Variants in ARB2A observed in about 807,000 individuals in gnomAD.
ARB2A encodes cotranscriptional regulator ARB2A.
chr5:94,094,298 CT>C, the ARB2A span, among the ~76,000 whole-genome samples: 28 of 152,274 alleles, frequency 1.8e-4, no homozygotes, highest in South Asian at 5.6e-3. Flanking sequence ...CAGATTTTTG[CT>C]TTCTCACCAT....
the ARB2A span, among the ~76,000 whole-genome samples, chr5:93,989,654 C>G: frequency 6.6e-6 from 1 of 152,152 alleles, no homozygotes; most frequent in Non-Finnish European, 1.5e-5. Flanking sequence ...ATTAAGAGCA[C>G]TGCTCTAGAT....
chr5:93,657,253 A>T, the ARB2A span, among the ~76,000 whole-genome samples: 5 of 152,142 alleles, frequency 3.3e-5, no homozygotes, highest in South Asian at 2.1e-4. Context: ...TCTCAGAAAA[A>T]CTGCACATGA....
At chr5:93,829,760 C>T in the ARB2A span, among the ~76,000 whole-genome samples, 1 of 151,912 alleles carries the variant, frequency 6.6e-6, no homozygotes, top group Non-Finnish European at 1.5e-5. Flanking sequence ...GAAGGAAAAC[C>T]TTATAGGGAT....
chr5:93,926,133 CT>C, the ARB2A span, among the ~76,000 whole-genome samples: 339 of 144,174 alleles, frequency 2.4e-3, no homozygotes, highest in Middle Eastern at 3.6e-3. Context: ...ATTTCCAATT[CT>C]TTTTTTTTTT....
chr5:93,818,031 T>C, the ARB2A span, among the ~76,000 whole-genome samples: 1 of 151,452 alleles, frequency 6.6e-6, no homozygotes, highest in African/African-American at 2.4e-5. Context: ...AGCAAAGGAT[T>C]TGAGTAGACA....
At chr5:93,734,500 C>G in the ARB2A span, 1 of 152,090 alleles carries the variant, frequency 6.6e-6, no homozygotes, top group Admixed American at 6.5e-5. Context: ...CACATATGTA[C>G]AAAAACATTA....
chr5:93,932,375 A>G, the ARB2A span, among the ~76,000 whole-genome samples: 1 of 152,362 alleles, frequency 6.6e-6, no homozygotes, highest in Admixed American at 6.5e-5. Flanking sequence ...AAGTGCTCAG[A>G]TGTACTGCAC....
chr5:93,935,252 A>T, the ARB2A span, among the ~76,000 whole-genome samples: 1 of 152,164 alleles, frequency 6.6e-6, no homozygotes, highest in African/African-American at 2.4e-5. Context: ...TTAGTGGAAA[A>T]TTTAAAAAAA....
the ARB2A span, among the ~76,000 whole-genome samples, chr5:93,754,743 G>A: frequency 1.3e-5 from 2 of 152,184 alleles, no homozygotes; most frequent in African/African-American, 4.8e-5. Context: ...CATCACAGAA[G>A]ATCATTTCTA....
At chr5:93,690,728 G>C in the ARB2A span, among the ~76,000 whole-genome samples, 2 of 152,150 alleles carry the variant, frequency 1.3e-5, no homozygotes, top group Admixed American at 6.5e-5. Context: ...ACCTCCTCAA[G>C]TGAGTCCCTG....
At chr5:93,690,697 A>G in the ARB2A span, among the ~76,000 whole-genome samples, 2 of 152,124 alleles carry the variant, frequency 1.3e-5, no homozygotes, top group Non-Finnish European at 2.9e-5. Context: ...ACAGCACTTG[A>G]GCTCTGCTAA....
the ARB2A span, among the ~76,000 whole-genome samples, chr5:93,707,008 C>T: frequency 6.6e-6 from 1 of 151,876 alleles, no homozygotes; most frequent in South Asian, 2.1e-4. Context: ...ATAATATATC[C>T]ATGTGTGTTT....
At chr5:94,015,125 AG>A in the ARB2A span, among the ~76,000 whole-genome samples, 1 of 152,250 alleles carries the variant, frequency 6.6e-6, no homozygotes, top group African/African-American at 2.4e-5. Flanking sequence ...GTCGAGGACA[AG>A]GAAAGGATCC....
chr5:93,940,523 A>T, the ARB2A span, among the ~76,000 whole-genome samples: 2 of 151,942 alleles, frequency 1.3e-5, no homozygotes, highest in African/African-American at 4.8e-5. Context: ...TATGTATTGA[A>T]ATAGGCAATT....
chr5:93,783,671 T>C, the ARB2A span, among the ~76,000 whole-genome samples: 1 of 152,180 alleles, frequency 6.6e-6, no homozygotes, highest in African/African-American at 2.4e-5. Context: ...CTGCTTAGAA[T>C]ATCAGAAAGA....
At chr5:93,733,936 G>C in the ARB2A span, 1 of 152,158 alleles carries the variant, frequency 6.6e-6, no homozygotes, top group Non-Finnish European at 1.5e-5. Flanking sequence ...ATTTCTAGAA[G>C]AAAGGCATAA....
At chr5:93,903,941 A>G in the ARB2A span, among the ~76,000 whole-genome samples, 2 of 151,930 alleles carry the variant, frequency 1.3e-5, no homozygotes, top group South Asian at 4.1e-4. Flanking sequence ...AGCATAATTC[A>G]CCCTTAGTCT....
the ARB2A span, among the ~76,000 whole-genome samples, chr5:94,072,746 T>C: frequency 2.0e-5 from 3 of 152,154 alleles, no homozygotes; most frequent in Non-Finnish European, 4.4e-5. Flanking sequence ...AAAAGTAATA[T>C]TTTTAAGAAA....
the ARB2A span, among the ~76,000 whole-genome samples, chr5:93,901,025 C>T: frequency 1.3e-5 from 2 of 152,110 alleles, no homozygotes; most frequent in Admixed American, 1.3e-4. Context: ...TCTCTCCTCA[C>T]CTTATAGCTT....
Sources: gnomAD v4.1 joint callset for allele counts (sites outside exome capture counted in the v4.1 genomes callset) on GRCh38, gnomAD v4.1.1 for gene constraint, MANE v1.5 for transcripts, NCBI Gene and HGNC (gene_info 2026-07-23, HGNC 2026-07-21) for gene names.